Variants in MSMO1 observed in about 807,000 individuals in gnomAD.
MSMO1 encodes the protein C-4 methylsterol oxidase.
Under a neutral mutation model 30.4 loss-of-function variants are expected in MSMO1, and 18 were observed. That is an observed-to-expected ratio of 0.59 (90% CI 0.41 to 0.88). The LOEUF (loss-of-function observed/expected upper bound fraction) is 0.88, where lower values mean the gene tolerates loss of function less well. MSMO1 is among the 40% of genes least tolerant of loss of function. MSMO1 has a pLI of 0.00. For synonymous variants in MSMO1, 84 were observed against 107.9 expected (o/e 0.78, Z 1.37); for missense variants, 284 against 340.5 (o/e 0.83, Z 1.31).
intron 1 of MSMO1, among the ~76,000 whole-genome samples, chr4:165,332,506 G>A (rs1300771338): frequency 2.0e-5 from 3 of 152,124 alleles, no homozygotes; most frequent in African/African-American, 4.8e-5. Flanking sequence ...GAATGAGAAA[G>A]TTGCTGGATC....
At chr4:165,341,421 G>C (rs1747712040) in intron 5 of MSMO1, among the ~76,000 whole-genome samples, 1 of 152,146 alleles carries the variant, frequency 6.6e-6, no homozygotes, top group African/African-American at 2.4e-5. Flanking sequence ...ATGATGGTGA[G>C]AAAGCTTCCT....
intron 1 of MSMO1, among the ~76,000 whole-genome samples, chr4:165,329,475 A>G (rs978010916): frequency 3.3e-5 from 5 of 151,906 alleles, no homozygotes; most frequent in African/African-American, 1.2e-4. Flanking sequence ...TGAATGCACA[A>G]TACTTGTCAG....
At position 165,342,003 on chromosome 4, in the gene MSMO1, A is replaced by G; in HGVS notation, c.*57A>G. On this transcript the variant is annotated 3_prime_UTR_variant, in exon 6 of 6. Transcript: ENST00000261507. ...CGTTTTCCTGAATTCAGAAACTAGT[A>G]GCTAACATTGCTTCTGGAGAGCAGA... The G allele has an allele frequency of 7.2e-7, 1 of 1,386,582 alleles. No individual in the cohort carries two copies. The highest frequency in any genetic ancestry group is 1.0e-6 in the Non-Finnish European group (1 of 980,130). The allele number at this position is 1,386,582 out of a possible 1,614,324, so 85.9% of individuals were successfully genotyped here. A position where few individuals can be genotyped will look rare whatever the true frequency, so the allele number is the denominator to read the frequency against.
At chr4:165,340,676 G>A in intron 5 of MSMO1, 1 of 354,288 alleles carries the variant, frequency 2.8e-6, no homozygotes, top group East Asian at 6.2e-5. Flanking sequence ...AAATATCAAA[G>A]CATTCAGCCT....
chr4:165,336,010 A>G (rs3822063), intron 2 of MSMO1, among the ~76,000 whole-genome samples: 29,653 of 152,246 alleles, frequency 0.19, 3,589 homozygotes, highest in East Asian at 0.46. Context: ...TCAATTGTTT[A>G]AGATAAAATA....
intron 1 of MSMO1, among the ~76,000 whole-genome samples, chr4:165,332,911 G>A (rs921268153): frequency 6.6e-6 from 1 of 152,204 alleles, no homozygotes; most frequent in South Asian, 2.1e-4. Context: ...CTATTCCCCA[G>A]TAGGAGGTAC....
intron 2 of MSMO1, among the ~76,000 whole-genome samples, chr4:165,333,908 T>A (rs958306194): frequency 4.6e-5 from 7 of 152,118 alleles, no homozygotes; most frequent in African/African-American, 1.7e-4. Context: ...GGCAGGAGGA[T>A]TGCTTGAGGC....
rs1331708426 is a variant in MSMO1, at chr4:165,338,647, TA to T, written c.405-2del. The T allele has an allele frequency of 1.2e-6, 2 of 1,607,104 alleles. No individual in the cohort carries two copies. Among genetic ancestry groups the T allele is most frequent in the African/African-American group, 1.3e-5 (1 of 74,750 alleles). ...CTTACACATTACAACATTTTTATCT[TA>T]AAGGTATTTTCTTTTGGCAAGATGC... On this transcript the variant is annotated splice_region_variant and splice_polypyrimidine_tract_variant and intron_variant, in intron 3 of 5. Coordinates refer to ENST00000261507, the MANE Select transcript of MSMO1 (RefSeq NM_006745.5).
intron 1 of MSMO1, 35 bp from the exon 2 acceptor site, chr4:165,333,305 T>G (rs1202455105): frequency 8.5e-6 from 13 of 1,522,050 alleles, no homozygotes; most frequent in Non-Finnish European, 1.1e-5. Context: ...GAAAGCTCAT[T>G]GTTTAACTTA....
Position 165,337,311 on chromosome 4 carries a change from A to G in MSMO1, c.256-478A>G, listed in dbSNP as rs185310431. Among the ~76,000 whole-genome samples, 13 of 152,336 alleles carry G rather than the reference A, an allele frequency of 8.5e-5. No homozygotes were observed. The Middle Eastern group carries it at 0.01, about 120-fold the overall frequency. On this transcript the variant is annotated intron_variant, in intron 2 of 5. Coordinates refer to ENST00000261507, the MANE Select transcript of MSMO1 (RefSeq NM_006745.5). ...GTGTACTTCTCAACTCAGAGAGTTT[A>G]TAATTCTGTCATTGGATTTGAACAA...
chr4:165,331,147 A>G (rs750645844), intron 1 of MSMO1, among the ~76,000 whole-genome samples: 8 of 151,940 alleles, frequency 5.3e-5, no homozygotes, highest in Non-Finnish European at 4.4e-5. Flanking sequence ...TCCACAAAAA[A>G]TTAAAAAAAT....
intron 2 of MSMO1, among the ~76,000 whole-genome samples, chr4:165,336,094 G>C: frequency 6.6e-6 from 1 of 152,078 alleles, no homozygotes; most frequent in South Asian, 2.1e-4. Flanking sequence ...GAAGAAGTTG[G>C]TGGTGGTGAT....
At chr4:165,340,158 G>T in intron 4 of MSMO1, 63 bp from the exon 5 acceptor site, 2 of 1,457,864 alleles carry the variant, frequency 1.4e-6, no homozygotes, top group South Asian at 2.3e-5. Context: ...TAGCCAAGTT[G>T]ACACATAAAA....
chr4:165,340,442 TATC>T, intron 5 of MSMO1, 67 bp downstream of exon 5: 1 of 1,346,152 alleles, frequency 7.4e-7, no homozygotes, highest in Non-Finnish European at 1.1e-6. Flanking sequence ...GCCATAAGAT[TATC>T]ATATTTCTAA....
At chr4:165,341,636 T>C (rs112298922) in intron 5 of MSMO1, 115 bp from the exon 6 acceptor site, 15 of 897,586 alleles carry the variant, frequency 1.7e-5, no homozygotes, top group African/African-American at 1.7e-4. Flanking sequence ...TAAAGTGGTC[T>C]AGGCAAAGTG....
chr4:165,340,450 T>C (rs1396873305), intron 5 of MSMO1, 75 bp downstream of exon 5: 1 of 1,259,674 alleles, frequency 7.9e-7, no homozygotes, highest in Non-Finnish European at 1.1e-6. Flanking sequence ...ATTATCATAT[T>C]TCTAAGGAGA....
chr4:165,331,160 G>T (rs1747377918), intron 1 of MSMO1, among the ~76,000 whole-genome samples: 1 of 151,980 alleles, frequency 6.6e-6, no homozygotes, highest in South Asian at 2.1e-4. Flanking sequence ...AAAAAAATTA[G>T]CCAGGCGTGG....
intron 1 of MSMO1, among the ~76,000 whole-genome samples, chr4:165,331,797 A>G (rs992714219): frequency 3.2e-4 from 48 of 152,324 alleles, no homozygotes; most frequent in Middle Eastern, 3.4e-3. Context: ...TGAGAAGTTT[A>G]TTTTTTGGTT....
intron 2 of MSMO1, among the ~76,000 whole-genome samples, chr4:165,334,200 T>G (rs1157704427): frequency 6.6e-6 from 1 of 152,250 alleles, no homozygotes; most frequent in Non-Finnish European, 1.5e-5. Context: ...ACATTAATTT[T>G]AGTCTATCTC....
Sources: allele counts gnomAD v4.1 joint callset (sites outside exome capture counted in the v4.1 genomes callset), GRCh38; gene constraint gnomAD v4.1.1; transcripts MANE v1.5; gene names NCBI Gene and HGNC (gene_info 2026-07-23, HGNC 2026-07-21).